Variants in ASXL3 observed in about 807,000 individuals in gnomAD.
ASXL3 encodes the protein putative Polycomb group protein ASXL3.
Under a neutral mutation model 170.6 loss-of-function variants are expected in ASXL3, and 34 were observed. The ratio of observed to expected loss-of-function variants is 0.20; its 90% confidence interval spans 0.15 to 0.27. The LOEUF (loss-of-function observed/expected upper bound fraction) is 0.27, where lower values mean the gene tolerates loss of function less well. Ranked by LOEUF, ASXL3 falls within the 10% of genes least tolerant of loss-of-function variation. ASXL3 has a pLI of 1.00. For missense variants in ASXL3, 2,592 were observed against 2,695.3 expected (o/e 0.96, Z 0.85); for synonymous variants, 1,002 against 989.1 (o/e 1.01, Z -0.24).
intron 4 of ASXL3, among the ~76,000 whole-genome samples, chr18:33,655,559 A>G (rs747386870): frequency 6.6e-6 from 1 of 152,004 alleles, no homozygotes; most frequent in Non-Finnish European, 1.5e-5. Flanking sequence ...ATTTGCTTAA[A>G]CCCAAATACC....
chr18:33,589,645 C>T (rs369073171), intron 1 of ASXL3, among the ~76,000 whole-genome samples: 1 of 152,122 alleles, frequency 6.6e-6, no homozygotes, highest in African/African-American at 2.4e-5. Flanking sequence ...AGTAAATAAT[C>T]TCCTTTATAT....
intron 8 of ASXL3, among the ~76,000 whole-genome samples, chr18:33,722,962 T>C (rs567348245): frequency 1.3e-5 from 2 of 152,242 alleles, no homozygotes; most frequent in African/African-American, 4.8e-5. Context: ...AATGGAACAG[T>C]AAAGCCTGAG....
intron 1 of ASXL3, among the ~76,000 whole-genome samples, chr18:33,598,975 G>T (rs533644646): frequency 6.6e-6 from 1 of 152,116 alleles, no homozygotes; most frequent in African/African-American, 2.4e-5. Flanking sequence ...ATGTGATAGG[G>T]TTGTTAAAAG....
intron 1 of ASXL3, among the ~76,000 whole-genome samples, chr18:33,579,303 C>G (rs1401226837): frequency 2.0e-5 from 3 of 152,132 alleles, no homozygotes. Context: ...GTATTGTGCT[C>G]TGCTCGATGT....
At chr18:33,713,484 C>T (rs2067114191) in intron 8 of ASXL3, among the ~76,000 whole-genome samples, 1 of 151,858 alleles carries the variant, frequency 6.6e-6, no homozygotes, top group Non-Finnish European at 1.5e-5. Context: ...AACTCCTGAC[C>T]TCAAGTGGTC....
chr18:33,618,779 T>G (rs1231736329), intron 2 of ASXL3, among the ~76,000 whole-genome samples: 4 of 152,144 alleles, frequency 2.6e-5, no homozygotes. Flanking sequence ...TTGATGTTAT[T>G]TTTTGATTTT....
intron 8 of ASXL3, among the ~76,000 whole-genome samples, chr18:33,693,911 T>A (rs895071437): frequency 6.6e-6 from 1 of 151,980 alleles, no homozygotes; most frequent in Non-Finnish European, 1.5e-5. Context: ...GAAAGTAAGG[T>A]TGGAGGAGCT....
intron 8 of ASXL3, among the ~76,000 whole-genome samples, chr18:33,698,223 T>C (rs1233662684): frequency 6.6e-6 from 1 of 152,136 alleles, no homozygotes; most frequent in Non-Finnish European, 1.5e-5. Context: ...CTTTCTCTTA[T>C]GCCAAGTGAG....
At chr18:33,613,303 A>T (rs1033455287) in intron 2 of ASXL3, among the ~76,000 whole-genome samples, 1 of 151,894 alleles carries the variant, frequency 6.6e-6, no homozygotes, top group Non-Finnish European at 1.5e-5. Flanking sequence ...CTTATTCCTT[A>T]CCTTACCTGG....
intron 2 of ASXL3, among the ~76,000 whole-genome samples, chr18:33,636,325 AACAACAACAGCAACAACAACAGCC>A (rs1176596057): frequency 6.9e-4 from 73 of 105,278 alleles, no homozygotes; most frequent in Non-Finnish European, 1.0e-3. Context: ...CAACAACAAC[AACAACAACAGCAACAACAACAGCC>A]ACAACAACAG....
intron 5 of ASXL3, among the ~76,000 whole-genome samples, chr18:33,662,968 A>G (rs138642053): frequency 1.0e-3 from 152 of 152,282 alleles, no homozygotes; most frequent in African/African-American, 2.9e-3. Context: ...ATGCTGAATT[A>G]TGTTACCTTC....
At chr18:33,691,423 G>T (rs1029849703) in intron 8 of ASXL3, among the ~76,000 whole-genome samples, 3 of 152,200 alleles carry the variant, frequency 2.0e-5, no homozygotes, top group Admixed American at 6.5e-5. Context: ...AGGAGCTGTT[G>T]TGGCTGCTAA....
At chr18:33,661,205 T>G (rs897702136) in intron 4 of ASXL3, among the ~76,000 whole-genome samples, 2 of 152,168 alleles carry the variant, frequency 1.3e-5, no homozygotes, top group African/African-American at 4.8e-5. Flanking sequence ...TCTGTGAGGC[T>G]GGGTAGATTT....
intron 2 of ASXL3, chr18:33,641,766 T>C (rs2065850284): frequency 6.6e-6 from 1 of 152,516 alleles, no homozygotes. Context: ...TTCCTTTCTT[T>C]TTGTTTTCCT....
chr18:33,692,303 C>T (rs1410160942), intron 8 of ASXL3, among the ~76,000 whole-genome samples: 3 of 152,086 alleles, frequency 2.0e-5, no homozygotes, highest in African/African-American at 4.8e-5. Flanking sequence ...AAAAAAGAGC[C>T]GTGATGAGGG....
intron 2 of ASXL3, among the ~76,000 whole-genome samples, chr18:33,620,136 T>C (rs2065486986): frequency 1.3e-5 from 2 of 152,164 alleles, no homozygotes; most frequent in African/African-American, 4.8e-5. Flanking sequence ...TTTATTTTTA[T>C]AAAAGACATA....
intron 1 of ASXL3, among the ~76,000 whole-genome samples, chr18:33,601,619 A>G (rs1298471847): frequency 6.6e-6 from 1 of 151,782 alleles, no homozygotes; most frequent in Non-Finnish European, 1.5e-5. Flanking sequence ...ATTTGGAGAT[A>G]TAGATGTGAA....
intron 2 of ASXL3, among the ~76,000 whole-genome samples, chr18:33,636,255 C>T (rs2065761555): frequency 6.6e-6 from 1 of 151,918 alleles, no homozygotes; most frequent in Non-Finnish European, 1.5e-5. Context: ...GACCCTAATG[C>T]TGGCCTGAGG....
chr18:33,582,161 T>G (rs1345357295), intron 1 of ASXL3, among the ~76,000 whole-genome samples: 3 of 152,204 alleles, frequency 2.0e-5, no homozygotes, highest in African/African-American at 7.2e-5. Flanking sequence ...GTCTTAATAT[T>G]TGTAGACCAC....
Sources: allele counts gnomAD v4.1 joint callset (sites outside exome capture counted in the v4.1 genomes callset), GRCh38; gene constraint gnomAD v4.1.1; transcripts MANE v1.5; gene names NCBI Gene and HGNC (gene_info 2026-07-23, HGNC 2026-07-21).